Variants in PDE4D observed in about 807,000 individuals in gnomAD.
PDE4D encodes the protein phosphodiesterase 4D.
PDE4D carries 24 observed loss-of-function variants against 87.4 expected under a neutral mutation model. The ratio of observed to expected loss-of-function variants is 0.27; its 90% CI spans 0.20 to 0.39. The LOEUF (loss-of-function observed/expected upper bound fraction) is 0.39, where lower values mean the gene tolerates loss of function less well. PDE4D is among the 10% of genes least tolerant of loss of function. The pLI is 1.00. For missense variants in PDE4D, 714 were observed against 1,041.0 expected, an observed-to-expected ratio of 0.69 and a Z score of 4.32; for synonymous variants, 384 against 383.2, an observed-to-expected ratio of 1.00 and a Z score of -0.02.
chr5:59,132,288 A>T (rs1776403303), intron 5 of PDE4D, among the ~76,000 whole-genome samples: 1 of 152,182 alleles, frequency 6.6e-6, no homozygotes, highest in Non-Finnish European at 1.5e-5. Flanking sequence ...AGTGGAGATG[A>T]CAGGTGAGCC....
chr5:59,629,093 T>C (rs1245337388), intron 1 of PDE4D, among the ~76,000 whole-genome samples: 1 of 152,176 alleles, frequency 6.6e-6, no homozygotes, highest in Non-Finnish European at 1.5e-5. Flanking sequence ...ACCTCCCACT[T>C]GGTCCCTCCC....
intron 1 of PDE4D, among the ~76,000 whole-genome samples, chr5:60,260,623 G>A (rs977133966): frequency 2.0e-5 from 3 of 152,050 alleles, no homozygotes; most frequent in Non-Finnish European, 2.9e-5. Context: ...CCCTAAGGCG[G>A]TCATGTTCTC....
intron 1 of PDE4D, among the ~76,000 whole-genome samples, chr5:60,340,990 A>G (rs911346467): frequency 4.6e-5 from 7 of 152,222 alleles, no homozygotes; most frequent in African/African-American, 1.7e-4. Flanking sequence ...CTGTTTTATT[A>G]TACAACAAGT....
intron 1 of PDE4D, among the ~76,000 whole-genome samples, chr5:60,380,777 T>G (rs1469845944): frequency 6.6e-6 from 1 of 152,158 alleles, no homozygotes; most frequent in Admixed American, 6.5e-5. Flanking sequence ...GCAGAGATAA[T>G]AAAAATCACA....
chr5:59,286,550 A>G (rs891640279), intron 1 of PDE4D, among the ~76,000 whole-genome samples: 5 of 152,220 alleles, frequency 3.3e-5, no homozygotes, highest in South Asian at 2.1e-4. Flanking sequence ...TACTCTGGAC[A>G]TGGTTTTTTT....
chr5:59,167,058 A>T (rs1270088008), intron 5 of PDE4D, among the ~76,000 whole-genome samples: 1 of 152,244 alleles, frequency 6.6e-6, no homozygotes, highest in Admixed American at 6.5e-5. Context: ...TATGTCCCAG[A>T]CACCGTGCTA....
intron 1 of PDE4D, among the ~76,000 whole-genome samples, chr5:60,443,826 C>T (rs1745428288): frequency 6.6e-6 from 1 of 152,126 alleles, no homozygotes; most frequent in Non-Finnish European, 1.5e-5. Flanking sequence ...CAGCTACACA[C>T]TCAGCATTCA....
intron 1 of PDE4D, among the ~76,000 whole-genome samples, chr5:59,671,766 C>T (rs1747247513): frequency 6.6e-6 from 1 of 150,576 alleles, no homozygotes; most frequent in Admixed American, 6.6e-5. Flanking sequence ...ATGATCATAC[C>T]ACTCCACTCC....
At chr5:59,494,008 A>T (rs1267774753) in intron 1 of PDE4D, among the ~76,000 whole-genome samples, 1 of 152,248 alleles carries the variant, frequency 6.6e-6, no homozygotes, top group Non-Finnish European at 1.5e-5. Context: ...CATGATAATA[A>T]GATAAAAACA....
At chr5:60,070,102 T>C (rs554060757) in intron 2 of PDE4D, among the ~76,000 whole-genome samples, 2 of 152,274 alleles carry the variant, frequency 1.3e-5, no homozygotes, top group South Asian at 2.1e-4. Context: ...GTTTTCTCTA[T>C]ATATAGGATC....
intron 1 of PDE4D, among the ~76,000 whole-genome samples, chr5:59,556,545 C>A (rs1331927545): frequency 1.3e-5 from 2 of 152,136 alleles, no homozygotes; most frequent in Admixed American, 6.6e-5. Context: ...CAAACAGTAT[C>A]CCAGGGGAGA....
intron 2 of PDE4D, among the ~76,000 whole-genome samples, chr5:60,017,124 C>T (rs1398214993): frequency 1.3e-5 from 2 of 152,100 alleles, no homozygotes; most frequent in Admixed American, 6.6e-5. Flanking sequence ...TGATCAGGTG[C>T]GTTGTCAATG....
chr5:59,239,935 T>C (rs1162014997), intron 1 of PDE4D, among the ~76,000 whole-genome samples: 1 of 152,202 alleles, frequency 6.6e-6, no homozygotes, highest in Admixed American at 6.5e-5. Context: ...AAATAGTACA[T>C]GCTCCGTAAA....
chr5:60,071,591 TAA>T (rs1157585683), intron 2 of PDE4D, among the ~76,000 whole-genome samples: 2 of 152,140 alleles, frequency 1.3e-5, no homozygotes, highest in African/African-American at 4.8e-5. Flanking sequence ...ATCCAGATAT[TAA>T]AAAGACATTT....
upstream of PDE4D, among the ~76,000 whole-genome samples, chr5:59,897,445 T>C (rs77692969): frequency 4.7e-4 from 70 of 147,810 alleles, no homozygotes; most frequent in African/African-American, 1.7e-3. Flanking sequence ...GGGAGGAGGA[T>C]TTTTTTTTTT....
chr5:59,563,215 G>T (rs1416566961), intron 1 of PDE4D, among the ~76,000 whole-genome samples: 1 of 152,188 alleles, frequency 6.6e-6, no homozygotes, highest in East Asian at 1.9e-4. Flanking sequence ...GGACAGAAGA[G>T]AAGGTTACCA....
chr5:60,087,315 A>G lies in PDE4D; in HGVS notation c.42+98242T>C, dbSNP rs1252791260. On this transcript the variant is annotated intron_variant, in intron 2 of 16. Transcript: ENST00000502484. The stretch of plus-strand genomic sequence containing the variant: ...AATTGGAAGAGGTAGCTGACTCTTC[A>G]AACACACAAGCATCAACATAAAGAC... 2.0e-4 allele frequency among the ~76,000 whole-genome samples: 31 copies of G among 152,228 alleles called. 1 individual carries two copies. The highest frequency in any genetic ancestry group is 2.0e-3 in the Admixed American group (30 of 15,290).
intron 1 of PDE4D, among the ~76,000 whole-genome samples, chr5:59,514,072 T>C (rs1209643660): frequency 1.3e-5 from 2 of 152,082 alleles, no homozygotes; most frequent in African/African-American, 4.8e-5. Context: ...ACATAGGCCA[T>C]TAAGTGACAA....
At chr5:59,085,026 T>C (rs892083254) in intron 5 of PDE4D, among the ~76,000 whole-genome samples, 3 of 152,116 alleles carry the variant, frequency 2.0e-5, no homozygotes, top group Non-Finnish European at 4.4e-5. Context: ...TTTAAAATAT[T>C]GGGCAATTCT....
Sources: allele counts gnomAD v4.1 joint callset (sites outside exome capture counted in the v4.1 genomes callset), GRCh38; gene constraint gnomAD v4.1.1; transcripts MANE v1.5; gene names NCBI Gene and HGNC (gene_info 2026-07-23, HGNC 2026-07-21).